TRABD2B: variants seen among roughly 807,000 people sequenced by gnomAD.
TRABD2B encodes TraB domain containing 2B.
A neutral mutation model predicts 40.1 loss-of-function variants in TRABD2B; 14 were observed. The observed-to-expected ratio is 0.35, with a 90% confidence interval of 0.23 to 0.55. The LOEUF is 0.55. TRABD2B is among the 20% of genes least tolerant of loss of function. The pLI, the probability that TRABD2B is intolerant of heterozygous loss-of-function variation, is 0.90. For synonymous variants in TRABD2B, 263 were observed against 277.0 expected, an observed-to-expected ratio of 0.95 and a Z score of 0.50; for missense variants, 541 against 648.6, an observed-to-expected ratio of 0.83 and a Z score of 1.80.
chr1:47,987,739 G>C (rs1404230786), intron 2 of TRABD2B, among the ~76,000 whole-genome samples: 1 of 152,188 alleles, frequency 6.6e-6, no homozygotes, highest in Non-Finnish European at 1.5e-5. Context: ...ACATGCCCAG[G>C]GGTCCCTGCT....
intron 2 of TRABD2B, among the ~76,000 whole-genome samples, chr1:47,855,325 C>T (rs921557029): frequency 6.6e-6 from 1 of 152,202 alleles, no homozygotes; most frequent in African/African-American, 2.4e-5. Context: ...TCCCTTTCCT[C>T]TCCTTAATCC....
chr1:47,934,868 T>A (rs1465880853), intron 2 of TRABD2B, among the ~76,000 whole-genome samples: 1 of 152,102 alleles, frequency 6.6e-6, no homozygotes. Flanking sequence ...TTCAAGATGG[T>A]ACTCAAAAGA....
intron 2 of TRABD2B, among the ~76,000 whole-genome samples, chr1:47,821,660 C>CCCTG (rs1645112473): frequency 6.6e-6 from 1 of 152,088 alleles, no homozygotes; most frequent in African/African-American, 2.4e-5. Context: ...CTGAGCTTGA[C>CCCTG]CCTGCCTGCC....
chr1:47,894,903 C>G (rs1310907801), intron 2 of TRABD2B, among the ~76,000 whole-genome samples: 1 of 152,074 alleles, frequency 6.6e-6, no homozygotes. Context: ...GACGTGGCCA[C>G]AGACAACCAG....
At chr1:47,815,101 C>T (rs1380235540) in intron 2 of TRABD2B, among the ~76,000 whole-genome samples, 1 of 152,168 alleles carries the variant, frequency 6.6e-6, no homozygotes, top group East Asian at 1.9e-4. Flanking sequence ...TTGGGCAGCT[C>T]GGGTCTCCTA....
At chr1:47,865,420 G>A (rs1247964508) in intron 2 of TRABD2B, among the ~76,000 whole-genome samples, 2 of 152,034 alleles carry the variant, frequency 1.3e-5, no homozygotes, top group Admixed American at 6.5e-5. Flanking sequence ...ACTGGGATAT[G>A]GGGCCTGCTG....
chr1:47,821,345 C>T (rs1645106248), intron 2 of TRABD2B, among the ~76,000 whole-genome samples: 1 of 152,206 alleles, frequency 6.6e-6, no homozygotes, highest in East Asian at 1.9e-4. Context: ...ATTCACCCCT[C>T]TGAGTGTTCC....
chr1:47,776,559 G>A (rs751003276), intron 5 of TRABD2B, among the ~76,000 whole-genome samples: 11 of 152,148 alleles, frequency 7.2e-5, no homozygotes, highest in Admixed American at 5.2e-4. Context: ...GGGCATACAC[G>A]TGCACCGCTT....
intron 2 of TRABD2B, among the ~76,000 whole-genome samples, chr1:47,838,488 G>A (rs1395848691): frequency 1.3e-5 from 2 of 152,190 alleles, no homozygotes; most frequent in African/African-American, 4.8e-5. Flanking sequence ...TCTGTCTGCA[G>A]CTTGCTGGCT....
chr1:47,948,415 G>A (rs1202689670), intron 2 of TRABD2B, among the ~76,000 whole-genome samples: 2 of 152,210 alleles, frequency 1.3e-5, no homozygotes, highest in African/African-American at 4.8e-5. Flanking sequence ...GCACCTGGTG[G>A]TAAACACACC....
intron 2 of TRABD2B, among the ~76,000 whole-genome samples, chr1:47,829,240 C>T (rs557307514): frequency 3.3e-5 from 5 of 152,204 alleles, no homozygotes; most frequent in African/African-American, 9.6e-5. Flanking sequence ...TCTCAAACCT[C>T]GAGCTGCCCA....
At chr1:47,793,774 A>T (rs1644707522) in intron 4 of TRABD2B, among the ~76,000 whole-genome samples, 1 of 152,254 alleles carries the variant, frequency 6.6e-6, no homozygotes, top group South Asian at 2.1e-4. Context: ...TGGCAGGGAC[A>T]GCCATATAGA....
intron 2 of TRABD2B, among the ~76,000 whole-genome samples, chr1:47,932,863 C>T (rs1645057440): frequency 6.6e-6 from 1 of 152,174 alleles, no homozygotes; most frequent in Non-Finnish European, 1.5e-5. Context: ...TGACAGTTGT[C>T]AAGTGACTAG....
At chr1:47,805,928 T>C (rs1644886035) in intron 2 of TRABD2B, among the ~76,000 whole-genome samples, 1 of 152,122 alleles carries the variant, frequency 6.6e-6, no homozygotes, top group Non-Finnish European at 1.5e-5. Flanking sequence ...TCCTCCTAGT[T>C]AACCACTGTC....
At chr1:47,806,155 T>C (rs1266361091) in intron 2 of TRABD2B, among the ~76,000 whole-genome samples, 1 of 152,244 alleles carries the variant, frequency 6.6e-6, no homozygotes, top group African/African-American at 2.4e-5. Flanking sequence ...GCATCCTTGG[T>C]GCTTCCAACA....
chr1:47,888,189 T>C (rs1017728274), intron 2 of TRABD2B, among the ~76,000 whole-genome samples: 1 of 152,212 alleles, frequency 6.6e-6, no homozygotes, highest in African/African-American at 2.4e-5. Flanking sequence ...TTTCAAATCT[T>C]AGGTTAAAAT....
chr1:47,878,465 C>T (rs991940039), intron 2 of TRABD2B, among the ~76,000 whole-genome samples: 4 of 152,208 alleles, frequency 2.6e-5, no homozygotes, highest in African/African-American at 9.7e-5. Context: ...GGGCCACCAA[C>T]ACAGGCAACA....
rs757319696 is a variant in TRABD2B, at chr1:47,766,109, G to A, written c.1350-3C>T. 18 of 701,586 alleles carry A rather than the reference G, an allele frequency of 2.6e-5. No homozygotes were observed. Among genetic ancestry groups the A allele is most frequent in the South Asian group, 1.5e-4 (10 of 67,446 alleles). The allele number at this position is 701,586 out of a possible 1,614,324, so 43.5% of individuals were successfully genotyped here. ...GCGGGGGTGGTGAGGCGGTGGTGCT[G>A]GAAAGGAGGAAGCACATGGCAGAGT... On this transcript the variant is annotated splice_region_variant and splice_polypyrimidine_tract_variant and intron_variant, in intron 6 of 6. Coordinates refer to ENST00000606738, the MANE Select transcript of TRABD2B (RefSeq NM_001194986.2).
Position 47,760,543 on chromosome 1 carries a change from C to A in TRABD2B, c.*5359G>T, listed in dbSNP as rs1302845667. On this transcript the variant is annotated 3_prime_UTR_variant, in exon 7 of 7. Coordinates refer to ENST00000606738, the MANE Select transcript of TRABD2B (RefSeq NM_001194986.2). ...CACTAAGCCATTGAATTCATAATAT[C>A]TTTTATTAATATATTATGCTACAAA... The A allele has an allele frequency of 6.6e-6, 1 of 152,162 alleles. No homozygotes were observed. Among genetic ancestry groups the A allele is most frequent in the Non-Finnish European group, 1.5e-5 (1 of 68,032 alleles). 9.4% of individuals were successfully genotyped at this position (152,162 alleles called of 1,614,324 possible).
Sources: allele counts gnomAD v4.1 joint callset (sites outside exome capture counted in the v4.1 genomes callset), GRCh38; gene constraint gnomAD v4.1.1; transcripts MANE v1.5; gene names NCBI Gene and HGNC (gene_info 2026-07-23, HGNC 2026-07-21).